GXYLT1: variants seen among roughly 807,000 people sequenced by gnomAD.
The protein encoded by GXYLT1 is glycosyltransferase 8 domain containing 3.
GXYLT1 carries 29 observed loss-of-function variants against 54.0 expected under a neutral mutation model. The observed-to-expected ratio is 0.54, with a 90% CI of 0.40 to 0.73. GXYLT1 has a LOEUF of 0.73. Among genes scored for constraint, GXYLT1 ranks in the 30% least tolerant of loss-of-function variants. The pLI, the probability that GXYLT1 is intolerant of heterozygous loss-of-function variation, is 0.00. For missense variants in GXYLT1, 490 were observed against 553.4 expected (o/e 0.89, Z 1.15); for synonymous variants, 176 against 204.1 (o/e 0.86, Z 1.17).
At chr12:42,126,781 G>A (rs1402549598) in intron 2 of GXYLT1, among the ~76,000 whole-genome samples, 5 of 151,528 alleles carry the variant, frequency 3.3e-5, no homozygotes, top group African/African-American at 1.2e-4. Context: ...TCAGGAGACT[G>A]AGGCAGGAGA....
chr12:42,141,147 A>T (rs908392298), intron 1 of GXYLT1, among the ~76,000 whole-genome samples: 2 of 152,186 alleles, frequency 1.3e-5, no homozygotes, highest in Non-Finnish European at 1.5e-5. Context: ...AGAGTTCCCC[A>T]TCCCAAGTAA....
chr12:42,116,528 TGCTCACCATC>T (rs1423154386), intron 3 of GXYLT1, among the ~76,000 whole-genome samples: 1 of 152,006 alleles, frequency 6.6e-6, no homozygotes, highest in Non-Finnish European at 1.5e-5. Flanking sequence ...CATGAAAAAA[TGCTCACCATC>T]ACTGGCCATC....
intron 2 of GXYLT1, among the ~76,000 whole-genome samples, chr12:42,124,943 C>T (rs1328301919): frequency 6.6e-6 from 1 of 152,200 alleles, no homozygotes; most frequent in Admixed American, 6.5e-5. Context: ...TCATTTGTTT[C>T]TCACTGGTTG....
intron 2 of GXYLT1, among the ~76,000 whole-genome samples, chr12:42,128,701 T>C (rs2065577452): frequency 6.6e-6 from 1 of 152,200 alleles, no homozygotes; most frequent in Non-Finnish European, 1.5e-5. Context: ...AATTAATATT[T>C]ATTTTATTTG....
Position 42,087,290 on chromosome 12 carries a change from A to G in GXYLT1, c.*496T>C, listed in dbSNP as rs1352918822. 2.0e-5 allele frequency: 3 copies of G among 152,736 alleles called. No homozygotes were observed. The highest frequency in any genetic ancestry group is 7.2e-5 in the African/African-American group (3 of 41,474). The allele number at this position is 152,736 out of a possible 1,614,324, so 9.5% of individuals were successfully genotyped here. ...AGATGAAATGTATAAAGGCACACAT[A>G]GATTGTCAATGGTTACATCAGTTAC... On this transcript the variant is annotated 3_prime_UTR_variant, in exon 8 of 8. Coordinates refer to ENST00000398675, the MANE Select transcript of GXYLT1 (RefSeq NM_173601.2).
chr12:42,098,781 AT>A (rs1373013379), intron 5 of GXYLT1, among the ~76,000 whole-genome samples: 2,426 of 143,054 alleles, frequency 0.017, 87 homozygotes, highest in African/African-American at 0.029. Flanking sequence ...ATATATATAT[AT>A]ATAATACATG....
In GXYLT1 at chr12:42,141,079, C is replaced by T. The variant is rs527280565; in HGVS notation, c.221+3347G>A. Among the ~76,000 whole-genome samples, 6 of 152,322 alleles carry T rather than the reference C, an allele frequency of 3.9e-5. No homozygotes were observed. The South Asian group carries it at 1.0e-3, about 26-fold the overall frequency. On this transcript the variant is annotated intron_variant, in intron 1 of 7. Transcript: ENST00000398675. ...TTTGAGGCACCGCTCCTCTCCAACACCAATCATGTTATTCTGTCTGCCACA... is the reference window on the plus strand; with the variant it reads ...TTTGAGGCACCGCTCCTCTCCAACATCAATCATGTTATTCTGTCTGCCACA...
At chr12:42,102,473 C>T (rs2065395720) in intron 5 of GXYLT1, among the ~76,000 whole-genome samples, 1 of 152,194 alleles carries the variant, frequency 6.6e-6, no homozygotes, top group Non-Finnish European at 1.5e-5. Context: ...CTTCATCTGA[C>T]TCTCCTTTGC....
intron 2 of GXYLT1, among the ~76,000 whole-genome samples, chr12:42,129,550 C>A (rs1265431399): frequency 6.6e-6 from 1 of 151,940 alleles, no homozygotes; most frequent in African/African-American, 2.4e-5. Context: ...GTCTTAATAA[C>A]ATCTAAGAAA....
At chr12:42,088,080 G>A in intron 7 of GXYLT1, 133 bp from the exon 8 acceptor site, 1 of 459,812 alleles carries the variant, frequency 2.2e-6, no homozygotes, top group Non-Finnish European at 3.8e-6. Flanking sequence ...GAAATTAGAT[G>A]TTTAACAAAT....
chr12:42,144,283 A>C, intron 1 of GXYLT1, 143 bp downstream of exon 1: 1 of 428,880 alleles, frequency 2.3e-6, no homozygotes, highest in Non-Finnish European at 3.8e-6. Flanking sequence ...GCCGGAGGGG[A>C]AGGAGGGAAA....
rs199726389 is a variant in GXYLT1 at position 42,097,595 on chromosome 12, C to T, written c.1008G>A (p.Pro336=). ...FHNPESLFVF[P]CQWNYRPDHC... ...GATCTGGTCGATAATTCCATTGACA[C>T]GGAAAAACAAAAAGGCTTTCTACAT... Residue 336 remains proline, a synonymous_variant, in exon 7 of 8, where the codon CCG becomes CCA. Transcript: ENST00000398675. 2.7e-5 allele frequency: 44 copies of T among 1,601,242 alleles called. No individual in the cohort carries two copies. The East Asian group carries it at 5.8e-4, about 21-fold the overall frequency.
intron 7 of GXYLT1, among the ~76,000 whole-genome samples, chr12:42,092,722 CTT>C (rs1353636153): frequency 1.3e-5 from 2 of 152,258 alleles, no homozygotes; most frequent in African/African-American, 2.4e-5. Flanking sequence ...TAAGCATAAA[CTT>C]AAGTTATATT....
At chr12:42,088,724 AG>A (rs1269071485) in intron 7 of GXYLT1, among the ~76,000 whole-genome samples, 2 of 152,116 alleles carry the variant, frequency 1.3e-5, no homozygotes, top group African/African-American at 4.8e-5. Context: ...ATTTTCAACT[AG>A]GTGTATTTTC....
At chr12:42,097,653 C>G (rs1565566680) in intron 6 of GXYLT1, 39 bp from the exon 7 acceptor site, 5 of 1,528,116 alleles carry the variant, frequency 3.3e-6, no homozygotes, top group Non-Finnish European at 4.5e-6. Context: ...GCAAATACCC[C>G]TAATTCCACA....
At position 42,097,566 on chromosome 12, in the gene GXYLT1, C is replaced by A; in HGVS notation, c.1037G>T (p.Cys346Phe). 1 of 1,610,202 alleles carries A rather than the reference C, an allele frequency of 6.2e-7. No homozygotes were observed. The change falls in exon 7 of 8, where the codon TGT becomes TTT. Residue 346 changes from cysteine (C) to phenylalanine (F), a missense_variant. Transcript: ENST00000398675. The part of the protein sequence containing the change: ...PCQWNYRPDH[C>F]IYGSNCQEAE... The stretch of plus-strand genomic sequence containing the variant: ...TTCTTGGCAATTGCTTCCATATATA[C>A]AATGATCTGGTCGATAATTCCATTG...
In GXYLT1 at chr12:42,084,803, C is replaced by T. The variant is rs1023550711; in HGVS notation, c.*2983G>A. 1.6e-5 allele frequency: 1 copy of T among 61,952 alleles called. No homozygotes were observed. Among genetic ancestry groups the T allele is most frequent in the African/African-American group, 5.6e-5 (1 of 17,860 alleles). 3.8% of individuals were successfully genotyped at this position (61,952 alleles called of 1,614,324 possible). ...TTCATTAGAAAAAAGTATGCATTTT[C>T]TTAAAGCATAAATCACAATATATAT... On this transcript the variant is annotated 3_prime_UTR_variant, in exon 8 of 8. Transcript: ENST00000398675.
intron 5 of GXYLT1, among the ~76,000 whole-genome samples, chr12:42,100,265 A>G (rs2065382236): frequency 6.6e-6 from 1 of 152,168 alleles, no homozygotes; most frequent in South Asian, 2.1e-4. Context: ...GTGTGCTACT[A>G]TGTAAATTTT....
intron 3 of GXYLT1, among the ~76,000 whole-genome samples, chr12:42,112,996 T>A (rs10880242): frequency 0.54 from 81,407 of 150,694 alleles, 22,842 homozygotes; most frequent in South Asian, 0.7. Context: ...TAAAGAAAAG[T>A]ATTTTCAACC....
Sources: gnomAD v4.1 joint callset for allele counts (sites outside exome capture counted in the v4.1 genomes callset) on GRCh38, gnomAD v4.1.1 for gene constraint, MANE v1.5 for transcripts, NCBI Gene and HGNC (gene_info 2026-07-23, HGNC 2026-07-21) for gene names.